Variants in ZNF423 observed in about 807,000 individuals in gnomAD.
ZNF423 encodes Ebf-associated zinc finger protein.
ZNF423 carries 12 observed loss-of-function variants against 95.8 expected under a neutral mutation model. That is an observed-to-expected ratio of 0.13 (90% CI 0.08 to 0.20). The LOEUF is 0.20. Among genes scored for constraint, ZNF423 ranks in the 10% least tolerant of loss-of-function variants. ZNF423 has a pLI of 1.00. For synonymous variants in ZNF423, 749 were observed against 711.9 expected, an observed-to-expected ratio of 1.05 and a Z score of -0.83; for missense variants, 1,316 against 1,737.1, an observed-to-expected ratio of 0.76 and a Z score of 4.31.
At chr16:49,747,644 A>G (rs954905384) in intron 2 of ZNF423, among the ~76,000 whole-genome samples, 10 of 117,766 alleles carry the variant, frequency 8.5e-5, no homozygotes, top group African/African-American at 3.2e-4. Flanking sequence ...TGTTTATCTG[A>G]GATATTTCAT....
At position 49,636,354 on chromosome 16, in the gene ZNF423, T is replaced by C. The variant is rs1399508027; in HGVS notation, c.2822A>G (p.Asn941Ser). The C allele has an allele frequency of 3.1e-6, 5 of 1,612,854 alleles. No homozygotes were observed. The highest frequency in any genetic ancestry group is 1.6e-4 in the Middle Eastern group (1 of 6,062). ...AEFIKGSHKCNVCSRTFFSEN... is the reference protein window; with the variant it reads ...AEFIKGSHKCSVCSRTFFSEN... ...CGAGAAGAAAGTCCGTGAACAAACG[T>C]TGCACTTGTGACTGCCCTTGATAAA... Residue 941 changes from asparagine to serine, a missense_variant, in exon 4 of 8, where the codon AAC (asparagine) becomes AGC (serine). Physicochemically the swap from Asn to Ser is conservative, Grantham distance 46. This residue lies in a region of ZNF423 where 620 missense variants were observed against 775.6 expected (regional missense o/e 0.80). Transcript: ENST00000563137. The surrounding 1 kb of genome is among the most constrained non-coding windows in gnomAD (Gnocchi z 8.6).
intron 1 of ZNF423, chr16:49,822,612 CCTT>C: frequency 6.9e-7 from 1 of 1,439,256 alleles, no homozygotes; most frequent in Non-Finnish European, 9.5e-7. Flanking sequence ...AGTTCGAGCT[CCTT>C]CTGTCTGCCT....
Position 49,855,467 on chromosome 16 carries a change from A to C in ZNF423, c.40+268T>G, listed in dbSNP as rs2035352523. On this transcript the variant is annotated intron_variant, in intron 1 of 7. Transcript: ENST00000563137. This position sits in a 1 kb window ranked among gnomAD's most constrained non-coding sequence, Gnocchi z 4.7. Reference sequence around the variant, plus strand: ...CCCAGGCCTGGGTCCCCCAAGGGCGACGGCGCCGAGTCCGGGCAGGGAGGG... The same window carrying C: ...CCCAGGCCTGGGTCCCCCAAGGGCGCCGGCGCCGAGTCCGGGCAGGGAGGG... 1.3e-5 allele frequency among the ~76,000 whole-genome samples: 2 copies of C among 148,972 alleles called. No individual in the cohort carries two copies. The highest frequency in any genetic ancestry group is 5.0e-5 in the African/African-American group (2 of 40,080).
chr16:49,734,010 C>T (rs7404754), intron 2 of ZNF423, among the ~76,000 whole-genome samples: 92,560 of 152,122 alleles, frequency 0.61, 28,341 homozygotes, highest in East Asian at 0.67. Context: ...CGAATCTACA[C>T]GTTCACGTGT....
chr16:49,519,289 T>C (rs1217547544), intron 7 of ZNF423, among the ~76,000 whole-genome samples: 1 of 152,182 alleles, frequency 6.6e-6, no homozygotes, highest in Non-Finnish European at 1.5e-5. Flanking sequence ...CTTTTTTTCT[T>C]GGGTAAACAC....
At chr16:49,665,057 G>C (rs1488014025) in intron 3 of ZNF423, among the ~76,000 whole-genome samples, 1 of 152,208 alleles carries the variant, frequency 6.6e-6, no homozygotes, top group Non-Finnish European at 1.5e-5. Context: ...GCCTGGGGCT[G>C]GGGACTGGCC....
rs371789797 is a variant in ZNF423, at chr16:49,703,859, A to T, written c.301+26912T>A. On this transcript the variant is annotated intron_variant, in intron 3 of 7. Coordinates refer to ENST00000563137, the MANE Select transcript of ZNF423 (RefSeq NM_001379286.1). ...CTATGCCCCACCCTGGGTTCAATGC[A>T]TCACCAGCTTGTGCCCAGCCCAGTG... 7.9e-5 allele frequency among the ~76,000 whole-genome samples: 12 copies of T among 152,298 alleles called. No homozygotes were observed. The East Asian group carries it at 1.4e-3, about 17-fold the overall frequency.
chr16:49,636,083 C>T lies in ZNF423; in HGVS notation c.3093G>A (p.Val1031=). ...TGGAAGTGACTGTCTGCATGCAGAC[C>T]ACACAGCGGAAGCCCGTGAGTGAGT... ...LRNSLTGFRC[V]VCMQTVTSTL... Residue 1031 remains valine (V), a synonymous_variant, in exon 4 of 8, where the codon GTG becomes GTA. Coordinates refer to ENST00000563137, the MANE Select transcript of ZNF423 (RefSeq NM_001379286.1). This position sits in a 1 kb window ranked among gnomAD's most constrained non-coding sequence, Gnocchi z 8.6. 1 of 1,613,968 alleles carries T rather than the reference C, an allele frequency of 6.2e-7. No individual in the cohort carries two copies.
At chr16:49,612,409 T>TAAAAAAAAAAAAAAAAAAAA (rs35731470) in intron 5 of ZNF423, among the ~76,000 whole-genome samples, 1 of 128,960 alleles carries the variant, frequency 7.8e-6, no homozygotes, top group Non-Finnish European at 1.7e-5. Flanking sequence ...ATAGGTACAG[T>TAAAAAAAAAAAAAAAAAAAA]AAAAAAAAAA....
At chr16:49,769,374 G>GAAAAAA (rs113088648) in intron 2 of ZNF423, among the ~76,000 whole-genome samples, 1 of 147,642 alleles carries the variant, frequency 6.8e-6, no homozygotes, top group Non-Finnish European at 1.5e-5. Context: ...AAGAAAAAAA[G>GAAAAAA]AAAAGAAAAA....
intron 3 of ZNF423, among the ~76,000 whole-genome samples, chr16:49,701,030 T>C (rs1254179692): frequency 6.6e-6 from 1 of 152,200 alleles, no homozygotes; most frequent in African/African-American, 2.4e-5. Context: ...TGTTATTTTC[T>C]TGTCCCAGTC....
At chr16:49,818,300 A>G (rs1190675460) in intron 1 of ZNF423, among the ~76,000 whole-genome samples, 1 of 152,194 alleles carries the variant, frequency 6.6e-6, no homozygotes, top group Non-Finnish European at 1.5e-5. Context: ...GACTCAGCAG[A>G]ACCTGGATAG....
chr16:49,664,002 C>A (rs2030392857), intron 3 of ZNF423: 11 of 925,352 alleles, frequency 1.2e-5, no homozygotes, highest in African/African-American at 1.8e-5. Flanking sequence ...GGGGACTCGG[C>A]GTTCCGGTGC....
intron 3 of ZNF423, among the ~76,000 whole-genome samples, chr16:49,674,261 C>G (rs1002854730): frequency 1.3e-5 from 2 of 152,168 alleles, no homozygotes; most frequent in Non-Finnish European, 2.9e-5. Context: ...TTTTGCTGTG[C>G]AGTCCAACAG....
chr16:49,791,868 G>C (rs1271118875), intron 1 of ZNF423, among the ~76,000 whole-genome samples: 1 of 151,934 alleles, frequency 6.6e-6, no homozygotes, highest in South Asian at 2.1e-4. Context: ...CAGGCATGGT[G>C]GTGCATGCCT....
chr16:49,730,333 G>C (rs185112539), intron 3 of ZNF423, among the ~76,000 whole-genome samples: 1 of 152,108 alleles, frequency 6.6e-6, no homozygotes, highest in Non-Finnish European at 1.5e-5. Flanking sequence ...CCTTTTTCAC[G>C]GGCTGTCCTT....
intron 2 of ZNF423, among the ~76,000 whole-genome samples, chr16:49,737,563 C>G (rs1596948348): frequency 6.6e-6 from 1 of 152,206 alleles, no homozygotes; most frequent in Non-Finnish European, 1.5e-5. Flanking sequence ...CCCAGCTGAT[C>G]CTGACTCTTA....
chr16:49,527,024 C>G (rs1263769855), intron 5 of ZNF423, among the ~76,000 whole-genome samples: 1 of 152,242 alleles, frequency 6.6e-6, no homozygotes, highest in Non-Finnish European at 1.5e-5. Flanking sequence ...AGGGGTTCTG[C>G]TGGTGGCAAG....
chr16:49,549,411 ATTCT>A (rs757916066), intron 5 of ZNF423, among the ~76,000 whole-genome samples: 19 of 152,164 alleles, frequency 1.2e-4, no homozygotes, highest in Non-Finnish European at 2.1e-4. Context: ...CAAGTGCATG[ATTCT>A]GCTTAGGGGC....
Sources: gnomAD v4.1 joint callset for allele counts (sites outside exome capture counted in the v4.1 genomes callset) on GRCh38, gnomAD v4.1.1 for gene constraint, gnomAD v4.1.1 regional missense constraint, Gnocchi (gnomAD v3.1) non-coding constraint, MANE v1.5 for transcripts, NCBI Gene and HGNC (gene_info 2026-07-23, HGNC 2026-07-21) for gene names.